The following GABBR2 variants were observed in gnomAD, a reference collection of about 807,000 sequenced individuals.
GABBR2 encodes gamma-aminobutyric acid type B receptor subunit 2.
A neutral mutation model predicts 105.6 loss-of-function variants in GABBR2; 23 were observed. The observed-to-expected ratio is 0.22, with a 90% CI of 0.16 to 0.31. The LOEUF (loss-of-function observed/expected upper bound fraction) is 0.31. GABBR2 is among the 10% of genes least tolerant of loss of function. The probability of loss-of-function intolerance (pLI) is 1.00; values close to 1 mark genes in which losing one functional copy is unlikely to be tolerated. For missense variants in GABBR2, 734 were observed against 1,245.5 expected, an observed-to-expected ratio of 0.59 and a Z score of 6.18; for synonymous variants, 478 against 499.7, an observed-to-expected ratio of 0.96 and a Z score of 0.58.
At chr9:98,662,146 C>T (rs528860841) in intron 1 of GABBR2, among the ~76,000 whole-genome samples, 1 of 152,198 alleles carries the variant, frequency 6.6e-6, no homozygotes, top group Non-Finnish European at 1.5e-5. Context: ...ACCTAAGGAA[C>T]TGGCTTCAGA....
At chr9:98,366,367 T>C (rs556711300) in intron 12 of GABBR2, among the ~76,000 whole-genome samples, 87 of 152,102 alleles carry the variant, frequency 5.7e-4, no homozygotes, top group African/African-American at 2.0e-3. Flanking sequence ...ACAAGGAGGG[T>C]AAGGTAGAGA....
chr9:98,678,324 A>G (rs1312523316), intron 1 of GABBR2, among the ~76,000 whole-genome samples: 3 of 152,214 alleles, frequency 2.0e-5, no homozygotes, highest in Non-Finnish European at 4.4e-5. Context: ...AACCACTGCC[A>G]GCTCTAACCA....
intron 12 of GABBR2, among the ~76,000 whole-genome samples, chr9:98,364,299 G>A (rs1486522703): frequency 2.0e-5 from 3 of 152,224 alleles, no homozygotes; most frequent in African/African-American, 7.2e-5. Flanking sequence ...TTAGCAGTTA[G>A]GGGATGGGTT....
intron 1 of GABBR2, chr9:98,607,092 C>A: frequency 1.3e-6 from 2 of 1,581,886 alleles, no homozygotes; most frequent in Non-Finnish European, 8.7e-7. Flanking sequence ...TTTTGATTCA[C>A]GCTATGGTAG....
In GABBR2 at chr9:98,341,309, G is replaced by A. The variant is rs1435252; in HGVS notation, c.1893+21406C>T. 0.3 allele frequency among the ~76,000 whole-genome samples: 45,568 copies of A among 152,114 alleles called. 7,021 individuals are homozygous for A. The highest frequency in any genetic ancestry group is 0.45 in the East Asian group (2,300 of 5,168). On this transcript the variant is annotated intron_variant, in intron 13 of 18. Coordinates refer to ENST00000259455, the MANE Select transcript of GABBR2 (RefSeq NM_005458.8). ...GAGCCGAGGCTGGGCCAGGATCCATGCCAGAAGGCACGTGGCTGTGGACAC... is the reference window on the plus strand; with the variant it reads ...GAGCCGAGGCTGGGCCAGGATCCATACCAGAAGGCACGTGGCTGTGGACAC...
chr9:98,692,570 T>C (rs1165511493), intron 1 of GABBR2, among the ~76,000 whole-genome samples: 1 of 152,180 alleles, frequency 6.6e-6, no homozygotes, highest in Non-Finnish European at 1.5e-5. Flanking sequence ...GGCTGGATCC[T>C]GGGACCCCAA....
chr9:98,642,422 C>A (rs1473366705), intron 1 of GABBR2, among the ~76,000 whole-genome samples: 1 of 152,210 alleles, frequency 6.6e-6, no homozygotes, highest in Non-Finnish European at 1.5e-5. Context: ...TTCCCCATGC[C>A]GTCCTAAGAA....
At chr9:98,347,573 T>C (rs1831322665) in intron 13 of GABBR2, among the ~76,000 whole-genome samples, 1 of 152,218 alleles carries the variant, frequency 6.6e-6, no homozygotes, top group Non-Finnish European at 1.5e-5. Context: ...GTCTTTTCGT[T>C]TCATATAGTC....
At chr9:98,642,156 C>T (rs905005252) in intron 1 of GABBR2, among the ~76,000 whole-genome samples, 2 of 152,208 alleles carry the variant, frequency 1.3e-5, no homozygotes, top group African/African-American at 4.8e-5. Flanking sequence ...ATGAAAGTTT[C>T]ATGCCCTGAT....
intron 1 of GABBR2, among the ~76,000 whole-genome samples, chr9:98,663,365 T>C (rs955437712): frequency 1.3e-5 from 2 of 152,062 alleles, no homozygotes; most frequent in Admixed American, 1.3e-4. Context: ...AAAACTCTGT[T>C]ACAGAACTGG....
chr9:98,685,490 C>G (rs144634071), intron 1 of GABBR2, among the ~76,000 whole-genome samples: 1 of 152,298 alleles, frequency 6.6e-6, no homozygotes, highest in East Asian at 1.9e-4. Context: ...TTCTAATATA[C>G]TTGTTGAATG....
chr9:98,374,026 T>A (rs937828176), intron 11 of GABBR2, among the ~76,000 whole-genome samples: 1 of 151,944 alleles, frequency 6.6e-6, no homozygotes, highest in Non-Finnish European at 1.5e-5. Flanking sequence ...CCCAGCTAAT[T>A]TTTTTGATTT....
At chr9:98,577,790 A>G (rs570429655) in intron 2 of GABBR2, 145 bp downstream of exon 2, 4 of 731,556 alleles carry the variant, frequency 5.5e-6, no homozygotes, top group Middle Eastern at 7.9e-4. Flanking sequence ...GCCAGCAGTG[A>G]AAGGCTGTGC....
At chr9:98,423,102 T>C (rs1048361280) in intron 7 of GABBR2, among the ~76,000 whole-genome samples, 18 of 152,156 alleles carry the variant, frequency 1.2e-4, no homozygotes, top group Admixed American at 2.6e-4. Context: ...AGCAGCATGA[T>C]TTATAGTCCT....
At chr9:98,546,294 GATCT>G (rs1409545226) in intron 2 of GABBR2, among the ~76,000 whole-genome samples, 1 of 152,146 alleles carries the variant, frequency 6.6e-6, no homozygotes, top group African/African-American at 2.4e-5. Flanking sequence ...TTGTTTACTT[GATCT>G]ATCAAAGGCT....
chr9:98,481,043 C>T (rs772330467), intron 4 of GABBR2, 46 bp from the exon 5 acceptor site: 1 of 1,161,030 alleles, frequency 8.6e-7, no homozygotes, highest in African/African-American at 1.5e-5. Flanking sequence ...ATGTTCAGCA[C>T]CCCATAAAGG....
chr9:98,400,800 A>G (rs1832381044), intron 8 of GABBR2, among the ~76,000 whole-genome samples: 1 of 152,212 alleles, frequency 6.6e-6, no homozygotes, highest in African/African-American at 2.4e-5. Context: ...AGTGGCACTG[A>G]TGTACGGAGC....
intron 11 of GABBR2, among the ~76,000 whole-genome samples, chr9:98,373,167 C>A (rs775462328): frequency 1.3e-5 from 2 of 152,160 alleles, no homozygotes; most frequent in Non-Finnish European, 2.9e-5. Context: ...ACAGATAATA[C>A]ATTTGTCATC....
chr9:98,489,484 A>T (rs1289678536), intron 4 of GABBR2, among the ~76,000 whole-genome samples: 1 of 152,194 alleles, frequency 6.6e-6, no homozygotes, highest in Non-Finnish European at 1.5e-5. Context: ...AGCTTTGCTT[A>T]CTGTCTCAAA....
Sources: allele counts gnomAD v4.1 joint callset (sites outside exome capture counted in the v4.1 genomes callset), GRCh38; gene constraint gnomAD v4.1.1; transcripts MANE v1.5; gene names NCBI Gene and HGNC (gene_info 2026-07-23, HGNC 2026-07-21).